Variants in CCDC88C observed in about 807,000 individuals in gnomAD.
The protein encoded by CCDC88C is protein Daple.
In CCDC88C, 131 loss-of-function variants were observed where a neutral mutation model predicts 198.8. The ratio of observed to expected loss-of-function variants is 0.66; its 90% CI spans 0.57 to 0.76. The LOEUF (loss-of-function observed/expected upper bound fraction) is 0.76, where lower values mean the gene tolerates loss of function less well. Ranked by LOEUF, CCDC88C falls within the 30% of genes least tolerant of loss-of-function variation. CCDC88C has a pLI of 0.00. For missense variants in CCDC88C, 2,553 were observed against 2,631.6 expected (o/e 0.97, Z 0.65); for synonymous variants, 1,166 against 1,114.7 (o/e 1.05, Z -0.92).
At chr14:91,357,210 G>A (rs79665973) in intron 4 of CCDC88C, among the ~76,000 whole-genome samples, 1 of 152,226 alleles carries the variant, frequency 6.6e-6, no homozygotes, top group East Asian at 1.9e-4. Context: ...GGAAATGGGC[G>A]CAGCCACACC....
chr14:91,316,216 CCCCTTCCA>C (rs1160613386), intron 13 of CCDC88C, among the ~76,000 whole-genome samples: 2 of 152,206 alleles, frequency 1.3e-5, no homozygotes, highest in African/African-American at 4.8e-5. Context: ...GTCCTTCTTA[CCCCTTCCA>C]CACTTCCACC....
At chr14:91,343,469 A>C (rs1893390304) in intron 5 of CCDC88C, 130 bp downstream of exon 5, 2 of 1,455,966 alleles carry the variant, frequency 1.4e-6, no homozygotes, top group Non-Finnish European at 1.8e-6. Context: ...CCAGGAACCC[A>C]GCGGCCTTCT....
At chr14:91,329,855 C>T (rs367845109) in intron 10 of CCDC88C, among the ~76,000 whole-genome samples, 11 of 152,338 alleles carry the variant, frequency 7.2e-5, no homozygotes, top group South Asian at 2.1e-4. Context: ...CTGAAAGACC[C>T]GACTGTGCAC....
chr14:91,355,771 CTG>C (rs1445287193), intron 4 of CCDC88C, among the ~76,000 whole-genome samples: 7 of 152,058 alleles, frequency 4.6e-5, no homozygotes, highest in East Asian at 1.9e-4. Flanking sequence ...TACAGAAAAA[CTG>C]TAAGTTGTGG....
rs1455819768 is a variant in CCDC88C at position 91,272,721 on chromosome 14, C to G, written c.5991G>C (p.Glu1997Asp). The change falls in exon 30 of 30, where the codon GAG becomes GAC. Residue 1997 changes from glutamate (E) to aspartate (D), a missense_variant. Glu to Asp is a conservative substitution (Grantham distance 45, BLOSUM62 2). Transcript: ENST00000389857. ...TTGAGACGCTCCCTCGACTGCAGTC[C>G]TCCAGGGCCCGGCCGAGGTGGGGAG... ...DLAPHLGRALEDCSRGSVSKS... is the reference protein window; with the variant it reads ...DLAPHLGRALDDCSRGSVSKS... The G allele has an allele frequency of 6.2e-7, 1 of 1,610,888 alleles. No homozygotes were observed. Among genetic ancestry groups the G allele is most frequent in the South Asian group, 1.1e-5 (1 of 90,994 alleles).
At chr14:91,340,505 G>C (rs975730357) in intron 6 of CCDC88C, among the ~76,000 whole-genome samples, 11 of 152,124 alleles carry the variant, frequency 7.2e-5, no homozygotes, top group African/African-American at 2.7e-4. Flanking sequence ...TTTCAGGGAA[G>C]GGTGCATCTC....
chr14:91,340,111 C>T (rs111628247), intron 6 of CCDC88C, 87 bp from the exon 7 acceptor site: 17,333 of 1,525,620 alleles, frequency 0.011, 112 homozygotes, highest in Non-Finnish European at 0.014. Context: ...CCCTTCCAAT[C>T]AACCTTACTA....
chr14:91,335,281 C>T (rs1036070215), intron 10 of CCDC88C, among the ~76,000 whole-genome samples: 4 of 152,130 alleles, frequency 2.6e-5, no homozygotes, highest in African/African-American at 4.8e-5. Flanking sequence ...CCACGCCACC[C>T]GCCTCGTGAA....
At chr14:91,328,047 G>A (rs535642695) in intron 10 of CCDC88C, among the ~76,000 whole-genome samples, 2 of 152,314 alleles carry the variant, frequency 1.3e-5, no homozygotes, top group South Asian at 2.1e-4. Flanking sequence ...CAGGACTGTT[G>A]TGCTTTTGCT....
rs552882482 is a variant in CCDC88C at position 91,319,748 on chromosome 14, G to A, written c.1527+1372C>T. On this transcript the variant is annotated intron_variant, in intron 13 of 29. Coordinates refer to ENST00000389857, the MANE Select transcript of CCDC88C (RefSeq NM_001080414.4). ...GCATAAGAAATGTGTGTCTGGGGCCGGGCATGGTGGCTCATGCTGGTAATC... is the reference window on the plus strand; with the variant it reads ...GCATAAGAAATGTGTGTCTGGGGCCAGGCATGGTGGCTCATGCTGGTAATC... Among the ~76,000 whole-genome samples the A allele has an allele frequency of 5.7e-4, 87 of 152,284 alleles. 1 individual carries two copies. In the South Asian group the frequency reaches 0.018, roughly 31 times the overall value.
At chr14:91,281,171 C>T (rs886356688) in intron 27 of CCDC88C, 12 of 646,750 alleles carry the variant, frequency 1.9e-5, no homozygotes, top group Admixed American at 4.4e-5. Context: ...CCTGGGCCAC[C>T]GGAACTTCCT....
intron 2 of CCDC88C, among the ~76,000 whole-genome samples, chr14:91,413,772 A>C (rs1236589955): frequency 6.6e-6 from 1 of 152,222 alleles, no homozygotes; most frequent in Admixed American, 6.5e-5. Context: ...AGGTGCAGTC[A>C]CGTGACCCCC....
At chr14:91,370,011 G>A (rs1894718344) in intron 3 of CCDC88C, among the ~76,000 whole-genome samples, 1 of 152,170 alleles carries the variant, frequency 6.6e-6, no homozygotes, top group African/African-American at 2.4e-5. Flanking sequence ...AACATAAGTC[G>A]GTTCTTTGTT....
chr14:91,355,617 C>A (rs1894011439), intron 4 of CCDC88C, among the ~76,000 whole-genome samples: 1 of 152,146 alleles, frequency 6.6e-6, no homozygotes, highest in Admixed American at 6.5e-5. Context: ...CCGGGACGGG[C>A]AGATGCTGAG....
chr14:91,324,049 T>C (rs928780096), intron 12 of CCDC88C, among the ~76,000 whole-genome samples: 1 of 152,252 alleles, frequency 6.6e-6, no homozygotes, highest in African/African-American at 2.4e-5. Context: ...CTGGAAAGTC[T>C]AAGTAACTAT....
intron 3 of CCDC88C, among the ~76,000 whole-genome samples, chr14:91,384,983 A>C (rs1416889348): frequency 6.6e-6 from 1 of 152,160 alleles, no homozygotes; most frequent in African/African-American, 2.4e-5. Flanking sequence ...TCCAAAGCAC[A>C]TTCTCCCCAT....
chr14:91,297,969 T>C (rs186685372), intron 21 of CCDC88C, among the ~76,000 whole-genome samples: 3 of 152,306 alleles, frequency 2.0e-5, no homozygotes, highest in East Asian at 3.9e-4. Flanking sequence ...TGAGATAAAG[T>C]GTGAGATGGT....
intron 3 of CCDC88C, among the ~76,000 whole-genome samples, chr14:91,389,152 C>T (rs1801489817): frequency 6.6e-6 from 1 of 152,154 alleles, no homozygotes; most frequent in Non-Finnish European, 1.5e-5. Context: ...CCTGCCTGGC[C>T]CTTATGGCCT....
At chr14:91,355,564 C>G (rs988042063) in intron 4 of CCDC88C, among the ~76,000 whole-genome samples, 2 of 152,158 alleles carry the variant, frequency 1.3e-5, no homozygotes, top group African/African-American at 2.4e-5. Flanking sequence ...AATCCAGAGA[C>G]GGTCCCAGGG....
Sources: allele counts gnomAD v4.1 joint callset (sites outside exome capture counted in the v4.1 genomes callset), GRCh38; gene constraint gnomAD v4.1.1; transcripts MANE v1.5; gene names NCBI Gene and HGNC (gene_info 2026-07-23, HGNC 2026-07-21).